ZNF831: variants seen among roughly 807,000 people sequenced by gnomAD.
ZNF831 encodes the protein zinc finger protein 831.
ZNF831 carries 59 observed loss-of-function variants against 95.8 expected under a neutral mutation model. The ratio of observed to expected loss-of-function variants is 0.62; its 90% CI spans 0.50 to 0.77. The LOEUF (loss-of-function observed/expected upper bound fraction) is 0.77, where lower values mean the gene tolerates loss of function less well. Ranked by LOEUF, ZNF831 falls within the 30% of genes least tolerant of loss-of-function variation. The pLI, the probability that ZNF831 is intolerant of heterozygous loss-of-function variation, is 0.00. For synonymous variants in ZNF831, 961 were observed against 925.5 expected, an observed-to-expected ratio of 1.04 and a Z score of -0.70; for missense variants, 2,205 against 2,164.0, an observed-to-expected ratio of 1.02 and a Z score of -0.38.
At chr20:59,233,836 C>T (rs1986863590) in intron 4 of ZNF831, among the ~76,000 whole-genome samples, 1 of 152,204 alleles carries the variant, frequency 6.6e-6, no homozygotes, top group South Asian at 2.1e-4. Context: ...CAACTCTGAT[C>T]TGACAATTGC....
chr20:59,248,722 G>A (rs1330724590), intron 4 of ZNF831, among the ~76,000 whole-genome samples: 1 of 152,218 alleles, frequency 6.6e-6, no homozygotes, highest in Non-Finnish European at 1.5e-5. Context: ...GAGCACTTGT[G>A]CTTGGTGAAC....
At chr20:59,127,225 G>A (rs895050602) in intron 1 of ZNF831, among the ~76,000 whole-genome samples, 6 of 152,018 alleles carry the variant, frequency 3.9e-5, no homozygotes, top group Non-Finnish European at 7.4e-5. Flanking sequence ...GCCATTTGTC[G>A]CACCTCCATC....
intron 4 of ZNF831, among the ~76,000 whole-genome samples, chr20:59,213,728 G>A (rs548726353): frequency 2.0e-5 from 3 of 152,258 alleles, no homozygotes; most frequent in Admixed American, 1.3e-4. Context: ...GTCAAAAATG[G>A]AAAAATCCAG....
intron 4 of ZNF831, among the ~76,000 whole-genome samples, chr20:59,218,627 T>C (rs1359266637): frequency 6.6e-6 from 1 of 151,644 alleles, no homozygotes; most frequent in Non-Finnish European, 1.5e-5. Context: ...ACTGAGTCCC[T>C]AAACTCAATC....
At chr20:59,251,263 A>C (rs1300926562) in intron 4 of ZNF831, among the ~76,000 whole-genome samples, 12 of 152,244 alleles carry the variant, frequency 7.9e-5, no homozygotes, top group Non-Finnish European at 1.5e-5. Context: ...CCAATGAATG[A>C]AGATCGACCC....
chr20:59,174,660 A>G (rs1354719226), intron 1 of ZNF831, among the ~76,000 whole-genome samples: 1 of 151,630 alleles, frequency 6.6e-6, no homozygotes, highest in East Asian at 1.9e-4. Flanking sequence ...GGCTGCAGTG[A>G]TCCATGTACG....
chr20:59,138,327 C>T (rs6123856), intron 1 of ZNF831, among the ~76,000 whole-genome samples: 25 of 151,248 alleles, frequency 1.7e-4, no homozygotes, highest in South Asian at 4.2e-4. Context: ...TGGGTCTCCC[C>T]GCTTTCCATG....
intron 4 of ZNF831, among the ~76,000 whole-genome samples, chr20:59,241,348 A>G (rs1054028945): frequency 4.6e-5 from 7 of 150,804 alleles, no homozygotes; most frequent in Admixed American, 4.6e-4. Context: ...AACCATTGAG[A>G]GGCTTTTGCT....
intron 4 of ZNF831, among the ~76,000 whole-genome samples, chr20:59,229,719 C>A (rs1165883919): frequency 6.6e-6 from 1 of 152,112 alleles, no homozygotes; most frequent in Non-Finnish European, 1.5e-5. Flanking sequence ...TGTTCCTGCC[C>A]CACCCACCCC....
chr20:59,197,800 C>T (rs1052507840), intron 3 of ZNF831, among the ~76,000 whole-genome samples: 12 of 152,162 alleles, frequency 7.9e-5, no homozygotes, highest in Admixed American at 6.5e-4. Flanking sequence ...AAGGAAAATT[C>T]GAGTGCTGCT....
intron 1 of ZNF831, among the ~76,000 whole-genome samples, chr20:59,176,573 C>G (rs1477424008): frequency 1.3e-5 from 2 of 152,214 alleles, no homozygotes; most frequent in Non-Finnish European, 2.9e-5. Context: ...TCCTAACTGA[C>G]ATACCTTTTC....
chr20:59,249,684 A>G (rs1987789551), intron 4 of ZNF831, among the ~76,000 whole-genome samples: 1 of 152,142 alleles, frequency 6.6e-6, no homozygotes, highest in African/African-American at 2.4e-5. Flanking sequence ...ATCTTTCCCA[A>G]ACTGTGCACT....
chr20:59,148,704 A>C (rs1980035644), intron 2 of ZNF831, among the ~76,000 whole-genome samples: 1 of 105,682 alleles, frequency 9.5e-6, no homozygotes. Context: ...AAAAAAAAAA[A>C]AAAAAAAAAA....
Position 59,163,974 on chromosome 20 carries a change from T to TAA in ZNF831, c.-270_-269insAA, listed in dbSNP as rs1981054237. Among the ~76,000 whole-genome samples, 2 of 152,180 alleles carry TAA rather than the reference T, an allele frequency of 1.3e-5. No homozygotes were observed. Among genetic ancestry groups the TAA allele is most frequent in the Non-Finnish European group, 2.9e-5 (2 of 68,032 alleles). ...TAAGGCTCAGGGAGCATCTCTCCGT[T>TAA]CTCTGAGATGCTGCCTGCAGAGTAG... is the stretch of plus-strand genomic sequence containing the variant. On this transcript the variant is annotated 5_prime_UTR_variant, in exon 1 of 6. An upstream open reading frame in the 5' UTR gains an earlier in-frame stop. Coordinates refer to ENST00000371030, the MANE Select transcript of ZNF831 (RefSeq NM_178457.3).
chr20:59,179,644 C>G (rs1332976058), intron 1 of ZNF831, among the ~76,000 whole-genome samples: 1 of 152,108 alleles, frequency 6.6e-6, no homozygotes, highest in Non-Finnish European at 1.5e-5. Flanking sequence ...CCATCTCTGC[C>G]TCCGTCCTCG....
intron 2 of ZNF831, among the ~76,000 whole-genome samples, chr20:59,147,648 C>T (rs1979948782): frequency 6.6e-6 from 1 of 152,152 alleles, no homozygotes; most frequent in Non-Finnish European, 1.5e-5. Flanking sequence ...AGAATGAGGC[C>T]CCCCTCATCT....
chr20:59,140,431 T>A (rs1181617991), intron 1 of ZNF831, among the ~76,000 whole-genome samples: 1 of 152,162 alleles, frequency 6.6e-6, no homozygotes, highest in Non-Finnish European at 1.5e-5. Context: ...ATGGGAACAG[T>A]AAACCACAGA....
Position 59,180,857 on chromosome 20 carries a change from T to C in ZNF831, c.-36-10127T>C, listed in dbSNP as rs146941063. Among the ~76,000 whole-genome samples the C allele has an allele frequency of 3.7e-3, 561 of 152,354 alleles. 4 individuals are homozygous for C. Among genetic ancestry groups the C allele is most frequent in the African/African-American group, 0.013 (534 of 41,590 alleles). Reference sequence around the variant, plus strand: ...CATATGTGTGAATGTATCTTTATAGTAGAATGATTTATAATCCTTTGGGTA... The same window carrying C: ...CATATGTGTGAATGTATCTTTATAGCAGAATGATTTATAATCCTTTGGGTA... On this transcript the variant is annotated intron_variant, in intron 1 of 5. Coordinates refer to ENST00000371030, the MANE Select transcript of ZNF831 (RefSeq NM_178457.3).
At chr20:59,163,162 T>G (rs1330861042), upstream of ZNF831, among the ~76,000 whole-genome samples, 1 of 152,140 alleles carries the variant, frequency 6.6e-6, no homozygotes, top group Non-Finnish European at 1.5e-5. Context: ...CTTAAACTAC[T>G]GAAGTCATTC....
Sources: gnomAD v4.1 joint callset for allele counts (sites outside exome capture counted in the v4.1 genomes callset) on GRCh38, gnomAD v4.1.1 for gene constraint, MANE v1.5 for transcripts, NCBI Gene and HGNC (gene_info 2026-07-23, HGNC 2026-07-21) for gene names.